The following TAF8 variants were observed in gnomAD, a reference collection of about 807,000 sequenced individuals.
TAF8 encodes TATA-box binding protein associated factor 8.
In TAF8, 47 loss-of-function variants were observed where a neutral mutation model predicts 36.5. The observed-to-expected ratio is 1.29, with a 90% CI of 1.02 to 1.64. The LOEUF is 1.64. Among genes scored for constraint, TAF8 ranks in the 40% most tolerant of loss-of-function variants. TAF8 has a pLI of 0.00. For synonymous variants in TAF8, 175 were observed against 159.5 expected, an observed-to-expected ratio of 1.10 and a Z score of -0.73; for missense variants, 420 against 407.6, an observed-to-expected ratio of 1.03 and a Z score of -0.26.
At chr6:42,061,169 G>T (rs1384159846) in intron 5 of TAF8, among the ~76,000 whole-genome samples, 1 of 152,184 alleles carries the variant, frequency 6.6e-6, no homozygotes, top group Non-Finnish European at 1.5e-5. Context: ...GATGACAAAA[G>T]TCTATAGCCA....
downstream of TAF8, chr6:42,086,772 C>T (rs1766035643): frequency 6.5e-6 from 10 of 1,549,810 alleles, no homozygotes; most frequent in East Asian, 7.3e-5. Flanking sequence ...CCAAGTGCTC[C>T]CCAAGGAGAT....
In TAF8 at chr6:42,057,471, T is replaced by C; in HGVS notation, c.447T>C (p.His149=). 3.1e-6 allele frequency: 5 copies of C among 1,614,028 alleles called. No homozygotes were observed. The highest frequency in any genetic ancestry group is 4.2e-6 in the Non-Finnish European group (5 of 1,180,016). ...NRPHPPHIPS[H]FPEFPDPHTY... ...CCCACCCGCCGCACATCCCCAGCCA[T>C]TTTCCTGAGTTCCCTGATCCCCACA... Residue 149 remains histidine (H), a synonymous_variant, in exon 5 of 9, where the codon CAT becomes CAC. Transcript: ENST00000372977.
Position 42,055,587 on chromosome 6 carries a change from C to A in TAF8, c.259C>A (p.Gln87Lys), listed in dbSNP as rs757324476. ...TTACTGTGAGCACACAGCCAGGACC[C>A]AGCCCACACTGTCCGATATCGTGGT... Reference protein sequence around the residue: ...KSYCEHTARTQPTLSDIVVTL... With the variant: ...KSYCEHTARTKPTLSDIVVTL... The change falls in exon 3 of 9, where the codon CAG becomes AAG. Residue 87 changes from glutamine to lysine, a missense_variant. Gln to Lys is a moderately conservative substitution (Grantham distance 53). Coordinates refer to ENST00000372977, the MANE Select transcript of TAF8 (RefSeq NM_138572.3). 1 of 1,614,064 alleles carries A rather than the reference C, an allele frequency of 6.2e-7. No homozygotes were observed. The highest frequency in any genetic ancestry group is 1.3e-5 in the African/African-American group (1 of 74,918).
chr6:42,064,263 G>A (rs768486166), intron 5 of TAF8, among the ~76,000 whole-genome samples: 10 of 150,598 alleles, frequency 6.6e-5, no homozygotes, highest in Non-Finnish European at 1.0e-4. Context: ...GGGTTTTTTT[G>A]TGGGGGGTGG....
chr6:42,076,416 C>T (rs1351576487), intron 7 of TAF8, among the ~76,000 whole-genome samples: 1 of 152,198 alleles, frequency 6.6e-6, no homozygotes, highest in East Asian at 1.9e-4. Context: ...CGCCACTGCA[C>T]TCCAGCCTGG....
In TAF8 at chr6:42,051,401, T is replaced by G; in HGVS notation, c.90T>G (p.His30Gln). The part of the protein sequence containing the change: ...KQSTNPADNY[H>Q]LARRRTLQVV... ...CCACTAACCCTGCCGATAACTATCA[T>G]CTGGCCCGGAGGAGAACCCTGCAGG... Residue 30 changes from histidine to glutamine, a missense_variant, in exon 2 of 9, where the codon CAT becomes CAG. Coordinates refer to ENST00000372977, the MANE Select transcript of TAF8 (RefSeq NM_138572.3). 6.2e-7 allele frequency: 1 copy of G among 1,614,144 alleles called. No individual in the cohort carries two copies. The highest frequency in any genetic ancestry group is 1.1e-5 in the South Asian group (1 of 91,076).
intron 5 of TAF8, chr6:42,063,628 G>A (rs1765258293): frequency 6.6e-6 from 1 of 152,092 alleles, no homozygotes; most frequent in Non-Finnish European, 1.5e-5. Flanking sequence ...TGTTGTTGTT[G>A]TTATTTTATA....
At chr6:42,060,377 C>G (rs984018987) in intron 5 of TAF8, among the ~76,000 whole-genome samples, 7 of 152,142 alleles carry the variant, frequency 4.6e-5, no homozygotes, top group African/African-American at 1.7e-4. Context: ...CTGTACTTGG[C>G]CCGATTATTT....
downstream of TAF8, among the ~76,000 whole-genome samples, chr6:42,083,827 A>C (rs72855269): frequency 0.12 from 17,631 of 152,162 alleles, 1,211 homozygotes; most frequent in African/African-American, 0.17. Context: ...CATTCTAGGC[A>C]GAGTGAACAG....
Position 42,057,051 on chromosome 6 carries a change from G to A in TAF8, c.365-338G>A, listed in dbSNP as rs140120338. ...TGTCCCCAGCTCATTGTTCCTTTTT[G>A]TTATCCAAGGTCTCTGAAAAGAGAA... On this transcript the variant is annotated intron_variant, in intron 4 of 8. Coordinates refer to ENST00000372977, the MANE Select transcript of TAF8 (RefSeq NM_138572.3). Among the ~76,000 whole-genome samples the A allele has an allele frequency of 2.7e-3, 410 of 152,118 alleles. 1 individual carries two copies. The highest frequency in any genetic ancestry group is 9.3e-3 in the African/African-American group (387 of 41,500).
In TAF8 at chr6:42,077,140, A is replaced by C; in HGVS notation, c.821A>C (p.Gln274Pro). ...GAEKENTSVL[Q>P]QNPSLSGSRN... ...GAGAAGGAGAACACCTCTGTCCTGC[A>C]GCAGAACCCCTCCTTGTCGGGTAGC... The change falls in exon 8 of 9, where the codon CAG becomes CCG. Residue 274 changes from glutamine to proline, a missense_variant. Transcript: ENST00000372977. 1 of 1,614,222 alleles carries C rather than the reference A, an allele frequency of 6.2e-7. No homozygotes were observed. The highest frequency in any genetic ancestry group is 2.2e-5 in the East Asian group (1 of 44,890).
At chr6:42,062,751 A>C (rs867770510) in intron 5 of TAF8, among the ~76,000 whole-genome samples, 1 of 151,272 alleles carries the variant, frequency 6.6e-6, no homozygotes, top group South Asian at 2.1e-4. Flanking sequence ...CATATTGACC[A>C]GGCTGGTCTC....
downstream of TAF8, among the ~76,000 whole-genome samples, chr6:42,084,420 A>T (rs531117571): frequency 1.4e-4 from 22 of 152,200 alleles, no homozygotes; most frequent in African/African-American, 5.1e-4. Flanking sequence ...CCACTTACAC[A>T]TGTATCAACT....
intron 1 of TAF8, 151 bp downstream of exon 1, chr6:42,050,737 C>T (rs1393664827): frequency 5.6e-6 from 6 of 1,064,312 alleles, no homozygotes; most frequent in Admixed American, 3.2e-5. Context: ...GCGCCCCCTC[C>T]TTGGGACTTG....
At chr6:42,051,543 G>A (rs1048773558) in intron 2 of TAF8, 30 bp downstream of exon 2, 2 of 1,608,418 alleles carry the variant, frequency 1.2e-6, no homozygotes, top group African/African-American at 2.7e-5. Context: ...TGGCCTTGGA[G>A]TCAACCCCAA....
At chr6:42,066,893 T>G (rs182185701) in intron 6 of TAF8, among the ~76,000 whole-genome samples, 13 of 152,146 alleles carry the variant, frequency 8.5e-5, no homozygotes, top group Admixed American at 5.2e-4. Context: ...CAAATGTGAG[T>G]GAGGGAGGTT....
intron 7 of TAF8, among the ~76,000 whole-genome samples, chr6:42,069,462 G>A (rs1765484187): frequency 6.6e-6 from 1 of 152,210 alleles, no homozygotes; most frequent in African/African-American, 2.4e-5. Flanking sequence ...TTTCAGAGCA[G>A]AGCCAGTTGA....
intron 5 of TAF8, among the ~76,000 whole-genome samples, chr6:42,064,874 A>C (rs1582229013): frequency 1.8e-5 from 1 of 56,438 alleles, no homozygotes; most frequent in East Asian, 8.3e-4. Flanking sequence ...GGAGAATGGC[A>C]TGCACCCGGG....
Position 42,076,477 on chromosome 6 carries a change from CAT to C in TAF8, c.781-621_781-620del, listed in dbSNP as rs749215586. Among the ~76,000 whole-genome samples, 102 of 152,288 alleles carry C rather than the reference CAT, an allele frequency of 6.7e-4. 2 individuals are homozygous for C. Among genetic ancestry groups the C allele is most frequent in the Admixed American group, 2.0e-3 (30 of 15,292 alleles). ...ACAGGCAAACAAACAAACCCTGCCT[CAT>C]AGGTTGCAGATAGGCATTACCAATG... On this transcript the variant is annotated intron_variant, in intron 7 of 8. Coordinates refer to ENST00000372977, the MANE Select transcript of TAF8 (RefSeq NM_138572.3).
Sources: gnomAD v4.1 joint callset for allele counts (sites outside exome capture counted in the v4.1 genomes callset) on GRCh38, gnomAD v4.1.1 for gene constraint, MANE v1.5 for transcripts, NCBI Gene and HGNC (gene_info 2026-07-23, HGNC 2026-07-21) for gene names.